VWDE: variants seen among roughly 807,000 people sequenced by gnomAD.
The protein encoded by VWDE is von Willebrand factor D and EGF domain-containing protein.
In VWDE, 207 loss-of-function variants were observed where a neutral mutation model predicts 178.4. The observed-to-expected ratio is 1.16, with a 90% CI of 1.04 to 1.30. The LOEUF (loss-of-function observed/expected upper bound fraction) is 1.30. Among genes scored for constraint, VWDE ranks in the 50% most tolerant of loss-of-function variants. The pLI is 0.00. For synonymous variants in VWDE, 738 were observed against 651.4 expected, an observed-to-expected ratio of 1.13 and a Z score of -2.02; for missense variants, 2,287 against 1,901.3, an observed-to-expected ratio of 1.20 and a Z score of -3.77.
chr7:12,390,057 C>T (rs1784307233), intron 2 of VWDE, among the ~76,000 whole-genome samples: 1 of 151,474 alleles, frequency 6.6e-6, no homozygotes, highest in African/African-American at 2.4e-5. Context: ...CCCAGCTACT[C>T]AGGAGGCTGA....
intron 16 of VWDE, 91 bp downstream of exon 16, chr7:12,359,487 C>T (rs1240105525): frequency 6.4e-6 from 5 of 781,790 alleles, no homozygotes; most frequent in South Asian, 3.9e-5. Flanking sequence ...AGAGGTCATT[C>T]ATCTTAAACA....
chr7:12,383,065 A>G (rs1783934382), intron 4 of VWDE, among the ~76,000 whole-genome samples: 2 of 151,910 alleles, frequency 1.3e-5, no homozygotes, highest in Non-Finnish European at 2.9e-5. Flanking sequence ...CTATACTTTA[A>G]TGGTGTTTGC....
At position 12,379,554 on chromosome 7, in the gene VWDE, C is replaced by G. The variant is rs376742046; in HGVS notation, c.802G>C (p.Ala268Pro). Residue 268 changes from alanine (A) to proline (P), a missense_variant, in exon 6 of 29, where the codon GCT becomes CCT. Ala to Pro is a conservative substitution (Grantham distance 27). Transcript: ENST00000275358. ...LRLGDRIFCSASVFFLENPHV... is the reference protein window; with the variant it reads ...LRLGDRIFCSPSVFFLENPHV... ...GGATTCTCCAAGAAAAAGACAGAAG[C>G]GCTGCAGAATATCTATGGATATAAT... 7.8e-6 allele frequency: 12 copies of G among 1,546,106 alleles called. No homozygotes were observed. The highest frequency in any genetic ancestry group is 6.0e-5 in the South Asian group (5 of 83,116).
At chr7:12,356,021 C>A (rs1583296744) in intron 18 of VWDE, 90 bp downstream of exon 18, 3 of 977,602 alleles carry the variant, frequency 3.1e-6, no homozygotes, top group South Asian at 1.7e-5. Context: ...GTACTAAAAT[C>A]TTTAGGACCA....
In VWDE at chr7:12,374,995, T is replaced by C. The variant is rs1783437446; in HGVS notation, c.1242+15A>G. On this transcript the variant is annotated intron_variant, in intron 8 of 28. Coordinates refer to ENST00000275358, the MANE Select transcript of VWDE (RefSeq NM_001135924.3). The stretch of plus-strand genomic sequence containing the variant: ...TAAAGCTTCACTTGCAGTATTAGTG[T>C]TGTAATTTGTCAACCTGGATGCTGT... 5 of 1,546,914 alleles carry C rather than the reference T, an allele frequency of 3.2e-6. No homozygotes were observed. Among genetic ancestry groups the C allele is most frequent in the Non-Finnish European group, 4.4e-6 (5 of 1,143,104 alleles).
chr7:12,340,557 C>G, intron 23 of VWDE, 140 bp from the exon 24 acceptor site: 1 of 584,762 alleles, frequency 1.7e-6, no homozygotes, highest in Non-Finnish European at 3.0e-6. Flanking sequence ...ATTAATTAGA[C>G]TTTGCCAAAC....
At chr7:12,391,481 C>G (rs928740285) in intron 2 of VWDE, among the ~76,000 whole-genome samples, 2 of 152,198 alleles carry the variant, frequency 1.3e-5, no homozygotes, top group African/African-American at 4.8e-5. Context: ...ACTGTTTCAC[C>G]TACACATTCG....
intron 28 of VWDE, 94 bp downstream of exon 28, chr7:12,333,371 A>G (rs1384561827): frequency 6.4e-6 from 5 of 783,602 alleles, no homozygotes; most frequent in Non-Finnish European, 9.7e-6. Flanking sequence ...TTTTGGAAAT[A>G]ATAAAAAAAC....
At chr7:12,372,692 T>C (rs143426528) in intron 10 of VWDE, among the ~76,000 whole-genome samples, 4 of 152,256 alleles carry the variant, frequency 2.6e-5, no homozygotes, top group African/African-American at 9.6e-5. Flanking sequence ...CTCTGTCTAA[T>C]ATACTATTTA....
At chr7:12,336,699 C>T (rs957132250) in intron 26 of VWDE, among the ~76,000 whole-genome samples, 1 of 152,094 alleles carries the variant, frequency 6.6e-6, no homozygotes, top group Non-Finnish European at 1.5e-5. Flanking sequence ...ATTTTTAAAA[C>T]CTTTCCCCAA....
chr7:12,353,609 T>G (rs1345153852), intron 18 of VWDE, among the ~76,000 whole-genome samples: 1 of 148,674 alleles, frequency 6.7e-6, no homozygotes, highest in African/African-American at 2.5e-5. Flanking sequence ...TAGGTTAATA[T>G]ATCTTCATCT....
At chr7:12,393,481 C>G (rs1784481667) in intron 2 of VWDE, 113 bp downstream of exon 2, 1 of 950,968 alleles carries the variant, frequency 1.1e-6, no homozygotes, top group African/African-American at 1.7e-5. Flanking sequence ...TAACTCAATA[C>G]AAAATTAAAA....
chr7:12,332,198 A>AAAT (rs10664408), intron 28 of VWDE, among the ~76,000 whole-genome samples: 16,745 of 151,116 alleles, frequency 0.11, 1,008 homozygotes, highest in East Asian at 0.19. Flanking sequence ...AAGAAAAAAA[A>AAAT]GACACCAGTG....
At chr7:12,356,409 C>A (rs1562480093) in intron 17 of VWDE, 79 bp from the exon 18 acceptor site, 1 of 1,126,622 alleles carries the variant, frequency 8.9e-7, no homozygotes, top group South Asian at 1.5e-5. Flanking sequence ...TCATGACAGT[C>A]ATGTATGTTT....
At chr7:12,358,387 T>TGGG (rs368179346) in intron 16 of VWDE, among the ~76,000 whole-genome samples, 17 of 135,088 alleles carry the variant, frequency 1.3e-4, no homozygotes, top group African/African-American at 4.3e-4. Context: ...AAATAAAAGG[T>TGGG]GGGGGGGGCT....
chr7:12,367,541 G>T, intron 12 of VWDE, 48 bp from the exon 13 acceptor site: 1 of 1,328,380 alleles, frequency 7.5e-7, no homozygotes, highest in Non-Finnish European at 9.9e-7. Context: ...CTTAATTTCA[G>T]AAAAAAAAAC....
chr7:12,389,402 TC>T, intron 2 of VWDE, 44 bp from the exon 3 acceptor site: 1 of 1,388,518 alleles, frequency 7.2e-7, no homozygotes, highest in Non-Finnish European at 9.9e-7. Flanking sequence ...CAGTTTATTT[TC>T]ATCCATTGTA....
chr7:12,357,569 G>T, intron 16 of VWDE, 54 bp from the exon 17 acceptor site: 1 of 1,525,172 alleles, frequency 6.6e-7, no homozygotes. Context: ...GGAATGAAGT[G>T]TACTTCTGAG....
intron 16 of VWDE, among the ~76,000 whole-genome samples, chr7:12,359,001 C>A (rs577730334): frequency 7.9e-5 from 12 of 152,120 alleles, no homozygotes; most frequent in Admixed American, 5.9e-4. Context: ...TTACATGGGG[C>A]CAGGGAATAA....
Sources: gnomAD v4.1 joint callset for allele counts (sites outside exome capture counted in the v4.1 genomes callset) on GRCh38, gnomAD v4.1.1 for gene constraint, MANE v1.5 for transcripts, NCBI Gene and HGNC (gene_info 2026-07-23, HGNC 2026-07-21) for gene names.